Variants in PCDHA8 observed in about 807,000 individuals in gnomAD.
PCDHA8 encodes protocadherin alpha 8, also known as protocadherin alpha-8.
A neutral mutation model predicts 61.8 loss-of-function variants in PCDHA8; 53 were observed. That is an observed-to-expected ratio of 0.86 (90% confidence interval 0.69 to 1.08). The LOEUF is 1.08. PCDHA8 is among the 50% of genes least tolerant of loss of function. The probability of loss-of-function intolerance (pLI) is 0.00; values close to 1 mark genes in which losing one functional copy is unlikely to be tolerated. For missense variants in PCDHA8, 1,293 were observed against 1,245.0 expected, an observed-to-expected ratio of 1.04 and a Z score of -0.58; for synonymous variants, 618 against 556.6, an observed-to-expected ratio of 1.11 and a Z score of -1.55.
intron 3 of PCDHA8, among the ~76,000 whole-genome samples, chr5:141,000,877 C>T (rs2097970762): frequency 6.6e-6 from 1 of 151,952 alleles, no homozygotes; most frequent in Non-Finnish European, 1.5e-5. Context: ...CATTGTACTC[C>T]AACCTGGGCA....
Position 140,968,897 on chromosome 5 carries a change from G to A in PCDHA8, c.2395-10052G>A, listed in dbSNP as rs1554231210. On this transcript the variant is annotated intron_variant, in intron 1 of 3. Transcript: ENST00000531613. The stretch of plus-strand genomic sequence containing the variant: ...TGAAATTACCCTTTATCTAATAATA[G>A]CATTAAGCACAGTGTCTTTTATATT... The A allele has an allele frequency of 3.7e-6, 6 of 1,614,034 alleles. No homozygotes were observed. In the African/African-American group the frequency reaches 4.0e-5, roughly 11 times the overall value.
At position 140,855,615 on chromosome 5, in the gene PCDHA8, G is replaced by A. The variant is rs533931974; in HGVS notation, c.2394+11900G>A. On this transcript the variant is annotated intron_variant, in intron 1 of 3. Coordinates refer to ENST00000531613, the MANE Select transcript of PCDHA8 (RefSeq NM_018911.3). ...ACTCAGTAGTATGCAAATATTAAGG[G>A]CATTTTGAAATTCGGCTATTGATAA... Among the ~76,000 whole-genome samples, 21 of 149,700 alleles carry A rather than the reference G, an allele frequency of 1.4e-4. 1 individual carries two copies. Among genetic ancestry groups the A allele is most frequent in the African/African-American group, 5.1e-4 (21 of 40,910 alleles).
intron 1 of PCDHA8, chr5:140,968,172 T>C (rs2096226402): frequency 6.2e-7 from 1 of 1,614,110 alleles, no homozygotes; most frequent in Non-Finnish European, 8.5e-7. Flanking sequence ...CCACCAAGCT[T>C]CCTGGAGGAC....
chr5:140,855,917 G>A, intron 1 of PCDHA8: 1 of 1,202,824 alleles, frequency 8.3e-7, no homozygotes, highest in South Asian at 1.6e-5. Flanking sequence ...TCAAGGACTA[G>A]GAAGTAGCGT....
At chr5:140,904,116 T>C (rs1233566335) in intron 1 of PCDHA8, among the ~76,000 whole-genome samples, 3 of 152,180 alleles carry the variant, frequency 2.0e-5, no homozygotes, top group African/African-American at 7.2e-5. Context: ...TTGCTGAGAT[T>C]TTGGTGCACC....
intron 1 of PCDHA8, chr5:140,858,360 G>C (rs782369682): frequency 1.9e-6 from 3 of 1,592,532 alleles, no homozygotes; most frequent in Non-Finnish European, 2.6e-6. Flanking sequence ...ATGGCCTTCA[G>C]CCCCAGCCTT....
intron 1 of PCDHA8, among the ~76,000 whole-genome samples, chr5:140,970,479 G>A (rs782054417): frequency 1.3e-4 from 20 of 152,160 alleles, no homozygotes; most frequent in Admixed American, 8.5e-4. Context: ...AGGCCAGCTT[G>A]TTCATTATTA....
chr5:141,005,701 C>CAAAAAAAA (rs59860837), intron 3 of PCDHA8, among the ~76,000 whole-genome samples: 3 of 7,792 alleles, frequency 3.9e-4, no homozygotes, highest in East Asian at 6.4e-3. Flanking sequence ...AACTCCGTCT[C>CAAAAAAAA]AAAAAAAAAA....
intron 1 of PCDHA8, among the ~76,000 whole-genome samples, chr5:140,888,151 CT>C (rs1247816625): frequency 4.6e-5 from 7 of 152,106 alleles, no homozygotes; most frequent in Non-Finnish European, 8.8e-5. Context: ...TTTTGCATGA[CT>C]GGTAATCTCT....
In PCDHA8 at chr5:140,843,124, G is replaced by C. The variant is rs200664126; in HGVS notation, c.1803G>C (p.Ser601=). 20 of 1,595,754 alleles carry C rather than the reference G, an allele frequency of 1.3e-5. 2 individuals are homozygous for C. Among genetic ancestry groups the C allele is most frequent in the South Asian group, 7.7e-5 (7 of 90,518 alleles). The change falls in exon 1 of 4, where the codon TCG becomes TCC. Residue 601 remains serine, a synonymous_variant. Transcript: ENST00000531613. ...AGGTGCGCGCAGTGGACGCCGACTC[G>C]GGCTACAACGCGTGGCTTTCGTATG... ...VAKVRAVDAD[S]GYNAWLSYEL...
intron 1 of PCDHA8, chr5:140,869,970 A>G: frequency 3.7e-6 from 6 of 1,613,166 alleles, no homozygotes; most frequent in Non-Finnish European, 5.1e-6. Context: ...CCAATGGAAG[A>G]CACTTATTTA....
rs2150329833 is a variant in PCDHA8, at chr5:140,842,126, C to A, written c.805C>A (p.Pro269Thr). The A allele has an allele frequency of 5.7e-5, 92 of 1,613,822 alleles. 1 individual carries two copies. The East Asian group carries it at 1.8e-3, about 32-fold the overall frequency. ...AGTTATCAAACTGAATGCTTCTGAT[C>A]CGGATGAAGGAGCCAATGGGGCAAT... ...TTVIKLNASD[P>T]DEGANGAISY... The change falls in exon 1 of 4, where the codon CCG becomes ACG. Residue 269 changes from proline (P) to threonine (T), a missense_variant. By Grantham distance (38) the Pro-to-Thr change is conservative. Transcript: ENST00000531613.
rs782226531 is a variant in PCDHA8, at chr5:140,928,688, A to G, written c.2395-50261A>G. 6 of 1,614,004 alleles carry G rather than the reference A, an allele frequency of 3.7e-6. No homozygotes were observed. The African/African-American group carries it at 4.0e-5, about 11-fold the overall frequency. The stretch of plus-strand genomic sequence containing the variant: ...GGTTCTAATGCCTGGCTTTCCTACC[A>G]CATCTCCCGGGCGTCTGACTCTAGT... On this transcript the variant is annotated intron_variant, in intron 1 of 3. Transcript: ENST00000531613.
intron 1 of PCDHA8, among the ~76,000 whole-genome samples, chr5:140,945,121 C>T (rs1412218992): frequency 6.6e-6 from 1 of 152,042 alleles, no homozygotes; most frequent in East Asian, 1.9e-4. Context: ...GATAAAAAAT[C>T]AACTTACAAA....
At chr5:140,857,192 G>A in intron 1 of PCDHA8, 2 of 1,598,474 alleles carry the variant, frequency 1.3e-6, no homozygotes, top group Non-Finnish European at 1.7e-6. Context: ...AGGAGCCAAC[G>A]GACAGGTCAC....
chr5:140,869,572 G>A (rs375272234), intron 1 of PCDHA8: 1 of 1,614,060 alleles, frequency 6.2e-7, no homozygotes, highest in Non-Finnish European at 8.5e-7. Flanking sequence ...ACTAGAGGGA[G>A]CTTCTGATGC....
At chr5:140,911,037 C>A (rs1432446373) in intron 1 of PCDHA8, among the ~76,000 whole-genome samples, 3 of 152,012 alleles carry the variant, frequency 2.0e-5, no homozygotes, top group Non-Finnish European at 4.4e-5. Context: ...GGTCTAGAAG[C>A]AAACAGGGGT....
intron 1 of PCDHA8, chr5:140,850,108 G>C (rs2150467680): frequency 6.3e-7 from 1 of 1,596,108 alleles, no homozygotes; most frequent in East Asian, 2.2e-5. Context: ...GTGAGCGCGC[G>C]CGACGCGGGC....
chr5:140,870,399 T>C, intron 1 of PCDHA8: 1 of 1,614,196 alleles, frequency 6.2e-7, no homozygotes, highest in Non-Finnish European at 8.5e-7. Flanking sequence ...GGGGTTCGCC[T>C]TCTCTGTGGG....
Sources: allele counts gnomAD v4.1 joint callset (sites outside exome capture counted in the v4.1 genomes callset), GRCh38; gene constraint gnomAD v4.1.1; transcripts MANE v1.5; gene names NCBI Gene and HGNC (gene_info 2026-07-23, HGNC 2026-07-21).